The following SPIC variants were observed in gnomAD, a reference collection of about 807,000 sequenced individuals.
The protein encoded by SPIC is Spi-C transcription factor, also known as transcription factor Spi-C.
A neutral mutation model predicts 16.7 loss-of-function variants in SPIC; 9 were observed. The observed-to-expected ratio is 0.54, with a 90% CI of 0.33 to 0.94. The LOEUF is 0.94. Ranked by LOEUF, SPIC falls within the 40% of genes least tolerant of loss-of-function variation. The probability of loss-of-function intolerance (pLI) is 0.03; values close to 1 mark genes in which losing one functional copy is unlikely to be tolerated. For synonymous variants in SPIC, 97 were observed against 102.9 expected, an observed-to-expected ratio of 0.94 and a Z score of 0.35; for missense variants, 241 against 285.8, an observed-to-expected ratio of 0.84 and a Z score of 1.13.
chr12:101,479,260 AGG>A (rs879534222), intron 3 of SPIC, among the ~76,000 whole-genome samples: 1,708 of 81,572 alleles, frequency 0.021, 83 homozygotes, highest in East Asian at 0.077. Context: ...GAAAGAAGGA[AGG>A]AAAGAAAGAA....
intron 4 of SPIC, 51 bp from the exon 5 acceptor site, chr12:101,482,741 G>T: frequency 6.5e-7 from 1 of 1,538,454 alleles, no homozygotes; most frequent in South Asian, 1.2e-5. Flanking sequence ...GCCTATAATA[G>T]GGGGCAACAG....
chr12:101,486,368 A>C lies in SPIC; in HGVS notation c.344A>C (p.Glu115Ala), dbSNP rs1193984135. ...GGCAGGAAGAAGCTCCGACTGTTTG[A>C]ATACCTTCACGAATCCCTGTATAAT... ...GKGRKKLRLF[E>A]YLHESLYNPE... Residue 115 changes from glutamate to alanine, a missense_variant, in exon 6 of 6, where the codon GAA becomes GCA. Physicochemically the swap from Glu to Ala is moderately radical, Grantham distance 107. Coordinates refer to ENST00000551346, the MANE Select transcript of SPIC (RefSeq NM_152323.3). 1 of 1,611,862 alleles carries C rather than the reference A, an allele frequency of 6.2e-7. No individual in the cohort carries two copies. The highest frequency in any genetic ancestry group is 8.5e-7 in the Non-Finnish European group (1 of 1,178,980).
Position 101,486,417 on chromosome 12 carries a change from G to C in SPIC, c.393G>C (p.Gln131His), listed in dbSNP as rs1388242176. 6.2e-7 allele frequency: 1 copy of C among 1,614,188 alleles called. No homozygotes were observed. The stretch of plus-strand genomic sequence containing the variant: ...ATCCGGAGATGGCATCTTGTATTCA[G>C]TGGGTAGATAAAACCAAAGGCATCT... Reference protein sequence around the residue: ...LYNPEMASCIQWVDKTKGIFQ... With the variant: ...LYNPEMASCIHWVDKTKGIFQ... The change falls in exon 6 of 6, where the codon CAG (glutamine) becomes CAC (histidine). Residue 131 changes from glutamine to histidine, a missense_variant. Physicochemically the swap from Gln to His is conservative, Grantham distance 24 (BLOSUM62 0). Transcript: ENST00000551346.
chr12:101,479,303 AG>A (rs765121291), intron 3 of SPIC, among the ~76,000 whole-genome samples: 5,050 of 34,604 alleles, frequency 0.15, 543 homozygotes, highest in Middle Eastern at 0.37. Context: ...AAAGAAAGAA[AG>A]AAAAAAGAAA....
At chr12:101,476,155 G>A (rs1434193969) in intron 1 of SPIC, among the ~76,000 whole-genome samples, 1 of 152,148 alleles carries the variant, frequency 6.6e-6, no homozygotes, top group Non-Finnish European at 1.5e-5. Context: ...TTTATTATGT[G>A]GGTTGGTTTT....
chr12:101,486,019 G>A (rs904596275), intron 5 of SPIC, among the ~76,000 whole-genome samples: 1 of 152,166 alleles, frequency 6.6e-6, no homozygotes, highest in African/African-American at 2.4e-5. Flanking sequence ...GGCCAGGCTG[G>A]TGAACTCCTG....
chr12:101,477,634 A>G lies in SPIC; in HGVS notation c.80A>G (p.Asp27Gly), dbSNP rs778081215. The G allele has an allele frequency of 1.9e-6, 3 of 1,613,016 alleles. No individual in the cohort carries two copies. The highest frequency in any genetic ancestry group is 3.3e-5 in the Admixed American group (2 of 60,018). ...FEVLRQHSTG[D>G]LQYSPDYRNY... ...GTTCTGAGGCAACATTCAACTGGAG[A>G]TCTTCAGTACTCGCCAGGTAAAGAT... Residue 27 changes from aspartate (D) to glycine (G), a missense_variant, in exon 3 of 6, where the codon GAT becomes GGT. Coordinates refer to ENST00000551346, the MANE Select transcript of SPIC (RefSeq NM_152323.3).
chr12:101,486,296 T>G (rs1486108529), intron 5 of SPIC, 48 bp from the exon 6 acceptor site: 1 of 1,544,552 alleles, frequency 6.5e-7, no homozygotes, highest in South Asian at 1.3e-5. Context: ...GAGGATGTTC[T>G]CGGTTTACAG....
chr12:101,476,443 A>G (rs185471803), intron 1 of SPIC, among the ~76,000 whole-genome samples: 47 of 152,294 alleles, frequency 3.1e-4, no homozygotes, highest in African/African-American at 1.1e-3. Context: ...CACCAAAGAA[A>G]GGTTTTTTAA....
intron 5 of SPIC, among the ~76,000 whole-genome samples, chr12:101,485,860 T>A (rs1208716282): frequency 6.6e-6 from 1 of 152,212 alleles, no homozygotes; most frequent in African/African-American, 2.4e-5. Flanking sequence ...CTCGGCTCAC[T>A]GCAGCCTCCA....
intron 4 of SPIC, among the ~76,000 whole-genome samples, chr12:101,482,582 A>C (rs1297562185): frequency 6.6e-6 from 1 of 152,044 alleles, no homozygotes; most frequent in East Asian, 1.9e-4. Context: ...CTCCTCACAA[A>C]GCCAAGGATT....
intron 3 of SPIC, among the ~76,000 whole-genome samples, chr12:101,479,170 GAA>G (rs1293765613): frequency 1.3e-4 from 7 of 54,874 alleles, no homozygotes; most frequent in South Asian, 1.0e-3. Context: ...AAGAAAGAAA[GAA>G]AAAGAAAGAA....
chr12:101,478,020 T>C (rs117905014), intron 3 of SPIC, among the ~76,000 whole-genome samples: 1,938 of 150,956 alleles, frequency 0.013, 24 homozygotes, highest in Middle Eastern at 0.031. Context: ...CTTTTTTTTC[T>C]TTTTTCTTTT....
intron 3 of SPIC, among the ~76,000 whole-genome samples, chr12:101,479,092 A>C (rs541616929): frequency 6.7e-6 from 1 of 150,322 alleles, no homozygotes; most frequent in East Asian, 1.9e-4. Context: ...AACCGAAATA[A>C]CGTGGCCGCA....
Position 101,476,452 on chromosome 12 carries a change from A to T in SPIC, c.-77-376A>T, listed in dbSNP as rs568711127. 2.4e-3 allele frequency among the ~76,000 whole-genome samples: 373 copies of T among 152,278 alleles called. 2 individuals are homozygous for T. Among genetic ancestry groups the T allele is most frequent in the South Asian group, 0.018 (85 of 4,830 alleles). On this transcript the variant is annotated intron_variant, in intron 1 of 5. Transcript: ENST00000551346. ...ATATAACACCAAAGAAAGGTTTTTTAAAAAAGCCCTATTTTTATAAAGCTA... is the reference window on the plus strand; with the variant it reads ...ATATAACACCAAAGAAAGGTTTTTTTAAAAAGCCCTATTTTTATAAAGCTA...
At chr12:101,481,520 T>C (rs1434141353) in intron 4 of SPIC, among the ~76,000 whole-genome samples, 1 of 150,776 alleles carries the variant, frequency 6.6e-6, no homozygotes, top group African/African-American at 2.4e-5. Flanking sequence ...ATTTTTTTTT[T>C]TTTTTTGAGA....
intron 5 of SPIC, among the ~76,000 whole-genome samples, chr12:101,485,248 G>T (rs1324275526): frequency 6.6e-6 from 1 of 152,202 alleles, no homozygotes; most frequent in African/African-American, 2.4e-5. Flanking sequence ...ATCTGGCAGA[G>T]CACAGTATTT....
At position 101,482,845 on chromosome 12, in the gene SPIC, C is replaced by T. The variant is rs772082121; in HGVS notation, c.264C>T (p.Asn88=). 6.8e-6 allele frequency: 11 copies of T among 1,613,900 alleles called. No individual in the cohort carries two copies. Among genetic ancestry groups the T allele is most frequent in the African/African-American group, 1.3e-5 (1 of 74,894 alleles). Residue 88 remains asparagine, a synonymous_variant, in exon 5 of 6, where the codon AAC becomes AAT. Coordinates refer to ENST00000551346, the MANE Select transcript of SPIC (RefSeq NM_152323.3). ...GAAATATTCATCAATCTCTGCAGAA[C>T]ATAACTGAAAACCAGCTGGTACAAC... ...FEGNIHQSLQ[N]ITENQLVQPT...
At chr12:101,479,738 C>G in intron 4 of SPIC, 44 bp downstream of exon 4, 1 of 1,400,108 alleles carries the variant, frequency 7.1e-7, no homozygotes, top group Non-Finnish European at 1.0e-6. Context: ...ATATCCTATT[C>G]TTGCCAGCCT....
Sources: allele counts gnomAD v4.1 joint callset (sites outside exome capture counted in the v4.1 genomes callset), GRCh38; gene constraint gnomAD v4.1.1; transcripts MANE v1.5; gene names NCBI Gene and HGNC (gene_info 2026-07-23, HGNC 2026-07-21).